VRK2: variants seen among roughly 807,000 people sequenced by gnomAD.
The protein encoded by VRK2 is serine/threonine-protein kinase VRK2.
VRK2 carries 60 observed loss-of-function variants against 57.6 expected under a neutral mutation model. That is an observed-to-expected ratio of 1.04 (90% CI 0.85 to 1.29). The LOEUF (loss-of-function observed/expected upper bound fraction) is 1.29. VRK2 is among the 50% of genes most tolerant of loss of function. VRK2 has a pLI of 0.00. For missense variants in VRK2, 705 were observed against 588.1 expected, an observed-to-expected ratio of 1.20 and a Z score of -2.06; for synonymous variants, 231 against 199.2, an observed-to-expected ratio of 1.16 and a Z score of -1.35.
At chr2:58,158,248 TTA>T (rs1684302422) in intron 12 of VRK2, among the ~76,000 whole-genome samples, 2 of 151,866 alleles carry the variant, frequency 1.3e-5, no homozygotes, top group South Asian at 4.1e-4. Context: ...TATTTTGACT[TTA>T]GTTAATAAAG....
intron 7 of VRK2, among the ~76,000 whole-genome samples, chr2:58,121,065 G>A (rs1300107664): frequency 2.0e-5 from 3 of 152,186 alleles, no homozygotes; most frequent in African/African-American, 7.2e-5. Flanking sequence ...AAGCTCTAGA[G>A]TCAGAATTGC....
intron 9 of VRK2, among the ~76,000 whole-genome samples, chr2:58,133,208 G>A (rs546199801): frequency 9.4e-5 from 14 of 149,020 alleles, no homozygotes; most frequent in Non-Finnish European, 1.9e-4. Flanking sequence ...TATCTATAAT[G>A]AATATACCTG....
chr2:57,923,071 A>G (rs1381948684), intron 1 of VRK2, among the ~76,000 whole-genome samples: 1 of 152,042 alleles, frequency 6.6e-6, no homozygotes, highest in Non-Finnish European at 1.5e-5. Flanking sequence ...TTTACGGCTG[A>G]ATAGTACTCC....
At chr2:58,111,705 C>T (rs1675597073) in intron 7 of VRK2, among the ~76,000 whole-genome samples, 1 of 152,086 alleles carries the variant, frequency 6.6e-6, no homozygotes, top group South Asian at 2.1e-4. Flanking sequence ...TTGAGTTCCA[C>T]AGACAGGCCT....
chr2:57,949,437 T>C (rs1317181494), intron 1 of VRK2, among the ~76,000 whole-genome samples: 1 of 152,192 alleles, frequency 6.6e-6, no homozygotes. Flanking sequence ...ATTATGTCTG[T>C]TATGGTGATC....
chr2:57,973,908 T>C (rs1449869298), intron 1 of VRK2, among the ~76,000 whole-genome samples: 3 of 151,846 alleles, frequency 2.0e-5, no homozygotes, highest in African/African-American at 4.8e-5. Flanking sequence ...ATTTTAGTTC[T>C]ATGAGGGCTT....
At chr2:58,103,383 T>C (rs1329371198) in intron 7 of VRK2, among the ~76,000 whole-genome samples, 1 of 151,526 alleles carries the variant, frequency 6.6e-6, no homozygotes, top group Non-Finnish European at 1.5e-5. Flanking sequence ...AAGTTCCAAA[T>C]ACACATAATC....
chr2:58,104,586 C>T (rs1001504134), intron 7 of VRK2, among the ~76,000 whole-genome samples: 2 of 151,756 alleles, frequency 1.3e-5, no homozygotes, highest in African/African-American at 4.8e-5. Context: ...AATGGAAAAA[C>T]ATTCCATGCT....
At chr2:57,951,185 C>G (rs1572898007) in intron 1 of VRK2, among the ~76,000 whole-genome samples, 1 of 152,050 alleles carries the variant, frequency 6.6e-6, no homozygotes, top group African/African-American at 2.4e-5. Context: ...AAAGTTGATC[C>G]AATCCTCATT....
chr2:57,928,050 TACTTG>T (rs1670599051), intron 1 of VRK2, among the ~76,000 whole-genome samples: 1 of 152,186 alleles, frequency 6.6e-6, no homozygotes, highest in African/African-American at 2.4e-5. Flanking sequence ...AACCTTCTTG[TACTTG>T]ACTTTTGATG....
At chr2:57,920,953 A>T (rs1670322583) in intron 1 of VRK2, among the ~76,000 whole-genome samples, 1 of 152,050 alleles carries the variant, frequency 6.6e-6, no homozygotes, top group Admixed American at 6.6e-5. Context: ...TCTAGATGTT[A>T]TTTCATTTGC....
chr2:58,074,670 A>C (rs1213325614), intron 2 of VRK2, among the ~76,000 whole-genome samples: 2 of 152,104 alleles, frequency 1.3e-5, no homozygotes, highest in Non-Finnish European at 2.9e-5. Context: ...AATTAAAATA[A>C]AAAAATAAGC....
intron 1 of VRK2, among the ~76,000 whole-genome samples, chr2:57,964,754 C>T (rs1011059631): frequency 1.3e-5 from 2 of 151,744 alleles, no homozygotes; most frequent in African/African-American, 2.4e-5. Context: ...GTTGTGGTGG[C>T]ACGCACCTGT....
chr2:58,007,326 G>A (rs1045451991), intron 1 of VRK2, among the ~76,000 whole-genome samples: 1 of 151,118 alleles, frequency 6.6e-6, no homozygotes, highest in East Asian at 1.9e-4. Context: ...GGAAAATCGT[G>A]GCTAACAGAA....
At chr2:58,091,820 T>C (rs1389753920) in intron 7 of VRK2, among the ~76,000 whole-genome samples, 1 of 151,836 alleles carries the variant, frequency 6.6e-6, no homozygotes, top group African/African-American at 2.4e-5. Flanking sequence ...TTGTGAAAAA[T>C]GAGAAGATAA....
chr2:58,149,354 G>A (rs1682651783), intron 12 of VRK2, among the ~76,000 whole-genome samples: 1 of 151,498 alleles, frequency 6.6e-6, no homozygotes, highest in Non-Finnish European at 1.5e-5. Flanking sequence ...TTCTATATCA[G>A]TTATATTTGA....
At position 58,129,383 on chromosome 2, in the gene VRK2, C is replaced by G. The variant is rs1678829746; in HGVS notation, c.677-2425C>G. On this transcript the variant is annotated intron_variant, in intron 8 of 12. Coordinates refer to ENST00000340157, the MANE Select transcript of VRK2 (RefSeq NM_006296.7). ...TGCACAGTATCATCTGATTTTAGAG[C>G]TGAAAATGTAAAATATTAGTGGCAG... Among the ~76,000 whole-genome samples the G allele has an allele frequency of 2.0e-5, 3 of 151,996 alleles. No homozygotes were observed. In the South Asian group the frequency reaches 6.2e-4, roughly 31 times the overall value.
At chr2:58,080,238 C>T (rs578141854) in intron 2 of VRK2, among the ~76,000 whole-genome samples, 1 of 151,694 alleles carries the variant, frequency 6.6e-6, no homozygotes, top group East Asian at 1.9e-4. Context: ...TCCTTTTTCC[C>T]CAGAGAACGT....
intron 1 of VRK2, among the ~76,000 whole-genome samples, chr2:57,949,154 T>C (rs571393919): frequency 6.6e-6 from 1 of 152,202 alleles, no homozygotes; most frequent in East Asian, 1.9e-4. Flanking sequence ...AAAAAGGATT[T>C]GAAAATAGCT....
Sources: gnomAD v4.1 joint callset for allele counts (sites outside exome capture counted in the v4.1 genomes callset) on GRCh38, gnomAD v4.1.1 for gene constraint, MANE v1.5 for transcripts, NCBI Gene and HGNC (gene_info 2026-07-23, HGNC 2026-07-21) for gene names.